The following COG5 variants were observed in gnomAD, a reference collection of about 807,000 sequenced individuals.
COG5 encodes the protein conserved oligomeric Golgi complex subunit 5.
COG5 carries 86 observed loss-of-function variants against 110.4 expected under a neutral mutation model. The observed-to-expected ratio is 0.78, with a 90% CI of 0.65 to 0.93. The LOEUF (loss-of-function observed/expected upper bound fraction) is 0.93. Ranked by LOEUF, COG5 falls within the 40% of genes least tolerant of loss-of-function variation. COG5 has a pLI of 0.00. For synonymous variants in COG5, 360 were observed against 334.6 expected (o/e 1.08, Z -0.83); for missense variants, 1,077 against 987.0 (o/e 1.09, Z -1.22).
rs530039696 is a variant in COG5, at chr7:107,240,812, A to G, written c.1854-4125T>C. 5.7e-4 allele frequency among the ~76,000 whole-genome samples: 87 copies of G among 152,194 alleles called. 1 individual carries two copies. Among genetic ancestry groups the G allele is most frequent in the African/African-American group, 1.4e-3 (57 of 41,436 alleles). ...TCTACAAAGTAGGAAAATTACTGCC[A>G]TGGGGGCAATACTTTAAATAAAAGC... On this transcript the variant is annotated intron_variant, in intron 17 of 21. Transcript: ENST00000297135.
In COG5 at chr7:107,563,851, G is replaced by C; in HGVS notation, c.46C>G (p.Arg16Gly). ...GSVAVAGLGA[R>G]GSGAAAATVR... The stretch of plus-strand genomic sequence containing the variant: ...GTAGCTGCAGCCGCTCCAGAGCCTC[G>C]AGCTCCGAGGCCAGCTACAGCGACG... The change falls in exon 1 of 22, where the codon CGA (arginine) becomes GGA (glycine). Residue 16 changes from arginine (R) to glycine (G), a missense_variant. Physicochemically the swap from Arg to Gly is moderately radical, Grantham distance 125. Coordinates refer to ENST00000297135, the MANE Select transcript of COG5 (RefSeq NM_006348.5). 6.2e-7 allele frequency: 1 copy of C among 1,613,678 alleles called. No homozygotes were observed. The highest frequency in any genetic ancestry group is 8.5e-7 in the Non-Finnish European group (1 of 1,179,932).
chr7:107,390,252 G>A (rs971890799), intron 7 of COG5, among the ~76,000 whole-genome samples: 6 of 152,108 alleles, frequency 3.9e-5, no homozygotes, highest in African/African-American at 9.7e-5. Context: ...CCCGGCAACT[G>A]CTTGCCTTGC....
intron 16 of COG5, 128 bp from the exon 17 acceptor site, chr7:107,248,627 C>G (rs1043544901): frequency 2.9e-6 from 2 of 691,032 alleles, no homozygotes; most frequent in Middle Eastern, 6.2e-4. Context: ...ACTAAGTTAA[C>G]AGAAGTCTGC....
chr7:107,295,097 ATATATT>A (rs1471944028), intron 12 of COG5, among the ~76,000 whole-genome samples: 489 of 70,284 alleles, frequency 7.0e-3, no homozygotes, highest in Non-Finnish European at 9.8e-3. Context: ...ATATATATAT[ATATATT>A]TTTTTTTTTT....
In COG5 at chr7:107,241,313, G is replaced by A. The variant is rs553740206; in HGVS notation, c.1854-4626C>T. ...ATTTCCTCTCAAATATTGGTAATCA[G>A]CAGTTATATAATCCTATGTTATATT... is the stretch of plus-strand genomic sequence containing the variant. On this transcript the variant is annotated intron_variant, in intron 17 of 21. Transcript: ENST00000297135. 6.6e-5 allele frequency among the ~76,000 whole-genome samples: 10 copies of A among 151,326 alleles called. 3 individuals carry two copies. Among genetic ancestry groups the A allele is most frequent in the African/African-American group, 2.4e-4 (10 of 41,258 alleles).
chr7:107,461,524 A>T (rs1166500682), intron 6 of COG5, among the ~76,000 whole-genome samples: 5 of 152,178 alleles, frequency 3.3e-5, no homozygotes, highest in Admixed American at 3.3e-4. Flanking sequence ...AAAAGCAGTT[A>T]TGTCTGCTCT....
chr7:107,264,616 C>T (rs1385207147), intron 14 of COG5, among the ~76,000 whole-genome samples: 2 of 151,968 alleles, frequency 1.3e-5, no homozygotes, highest in Non-Finnish European at 2.9e-5. Context: ...TGGTGTGAGC[C>T]CAAGAGGTGG....
rs1279760634 is a variant in COG5, at chr7:107,483,612, G to A, written c.538+43625C>T. ...CCAGCTACTTGGGAAGCTGAGGCAGGAGAATCGCTTGAACCTGGGAGGCAA... is the reference window on the plus strand; with the variant it reads ...CCAGCTACTTGGGAAGCTGAGGCAGAAGAATCGCTTGAACCTGGGAGGCAA... On this transcript the variant is annotated intron_variant, in intron 6 of 21. Transcript: ENST00000297135. Among the ~76,000 whole-genome samples, 5 of 151,938 alleles carry A rather than the reference G, an allele frequency of 3.3e-5. No homozygotes were observed. In the East Asian group the frequency reaches 9.6e-4, roughly 29 times the overall value.
rs780040916 is a variant in COG5 at position 107,281,431 on chromosome 7, A to G, written c.1476-32T>C. 2.8e-6 allele frequency: 4 copies of G among 1,432,472 alleles called. No individual in the cohort carries two copies. The South Asian group carries it at 3.4e-5, about 12-fold the overall frequency. The allele number at this position is 1,432,472 out of a possible 1,614,324, so 88.7% of individuals were successfully genotyped here. ...AAAATGAAAACAGTTTTTAAATATT[A>G]GCAACATCATTCATCAACAAAGTAA... is the stretch of plus-strand genomic sequence containing the variant. On this transcript the variant is annotated intron_variant, in intron 13 of 21. Coordinates refer to ENST00000297135, the MANE Select transcript of COG5 (RefSeq NM_006348.5).
intron 14 of COG5, 138 bp from the exon 15 acceptor site, chr7:107,258,521 G>C (rs1803066855): frequency 4.4e-6 from 3 of 687,498 alleles, no homozygotes; most frequent in Non-Finnish European, 8.0e-6. Context: ...CTGACAAAGA[G>C]AATGTTAACT....
At chr7:107,353,350 G>A (rs1363046158) in intron 10 of COG5, among the ~76,000 whole-genome samples, 9 of 146,216 alleles carry the variant, frequency 6.2e-5, no homozygotes, top group East Asian at 2.0e-4. Context: ...GCGTGAACCC[G>A]GGAGGCGGAG....
At chr7:107,471,133 A>G (rs1796608540) in intron 6 of COG5, among the ~76,000 whole-genome samples, 1 of 152,078 alleles carries the variant, frequency 6.6e-6, no homozygotes, top group Non-Finnish European at 1.5e-5. Context: ...CTTTTCTCTC[A>G]CAATTGTATT....
At chr7:107,555,108 T>C (rs1370958430) in intron 2 of COG5, among the ~76,000 whole-genome samples, 1 of 152,220 alleles carries the variant, frequency 6.6e-6, no homozygotes, top group South Asian at 2.1e-4. Flanking sequence ...TGCTCACCTA[T>C]ACCTGAACAT....
intron 21 of COG5, among the ~76,000 whole-genome samples, chr7:107,205,496 G>A (rs1368410538): frequency 6.6e-6 from 1 of 152,176 alleles, no homozygotes; most frequent in Non-Finnish European, 1.5e-5. Flanking sequence ...TGCCCACCTA[G>A]GGAAAGATCA....
intron 6 of COG5, among the ~76,000 whole-genome samples, chr7:107,520,465 T>C (rs1031959106): frequency 1.4e-4 from 21 of 152,156 alleles, no homozygotes; most frequent in Admixed American, 1.4e-3. Context: ...ACAAAATCAA[T>C]GTGCAAAAAT....
At chr7:107,318,975 CAT>C (rs1809005165) in intron 11 of COG5, among the ~76,000 whole-genome samples, 1 of 152,138 alleles carries the variant, frequency 6.6e-6, no homozygotes, top group Admixed American at 6.5e-5. Flanking sequence ...TCCAATTACA[CAT>C]ATGTTAGATT....
At chr7:107,429,039 C>T (rs1793840489) in intron 6 of COG5, among the ~76,000 whole-genome samples, 1 of 152,136 alleles carries the variant, frequency 6.6e-6, no homozygotes, top group Non-Finnish European at 1.5e-5. Context: ...ATGAACATTT[C>T]TTGTCTGCTG....
chr7:107,239,764 G>A (rs755469799), intron 17 of COG5, among the ~76,000 whole-genome samples: 3 of 152,130 alleles, frequency 2.0e-5, no homozygotes, highest in Non-Finnish European at 4.4e-5. Flanking sequence ...TGTTGTTTAA[G>A]TTCCACATAT....
At chr7:107,482,253 A>C (rs778558468) in intron 6 of COG5, among the ~76,000 whole-genome samples, 44 of 151,372 alleles carry the variant, frequency 2.9e-4, no homozygotes, top group Non-Finnish European at 4.7e-4. Context: ...AGCGATTCTC[A>C]CACCTCAGCC....
Sources: gnomAD v4.1 joint callset for allele counts (sites outside exome capture counted in the v4.1 genomes callset) on GRCh38, gnomAD v4.1.1 for gene constraint, MANE v1.5 for transcripts, NCBI Gene and HGNC (gene_info 2026-07-23, HGNC 2026-07-21) for gene names.